ST8SIA4: variants seen among roughly 807,000 people sequenced by gnomAD.
ST8SIA4 encodes the protein ST8 alpha-N-acetyl-neuraminide alpha-2,8-sialyltransferase 4, also known as CMP-N-acetylneuraminate-poly-alpha-2,8-sialyltransferase.
ST8SIA4 carries 15 observed loss-of-function variants against 33.9 expected under a neutral mutation model. The observed-to-expected ratio is 0.44, with a 90% CI of 0.30 to 0.68. ST8SIA4 has a LOEUF of 0.68. Among genes scored for constraint, ST8SIA4 ranks in the 30% least tolerant of loss-of-function variants. The probability of loss-of-function intolerance (pLI) is 0.10; values close to 1 mark genes in which losing one functional copy is unlikely to be tolerated. For missense variants in ST8SIA4, 321 were observed against 428.0 expected (o/e 0.75, Z 2.21); for synonymous variants, 171 against 151.2 (o/e 1.13, Z -0.96).
At chr5:100,850,701 C>G (rs1225723249) in intron 4 of ST8SIA4, among the ~76,000 whole-genome samples, 1 of 151,714 alleles carries the variant, frequency 6.6e-6, no homozygotes, top group South Asian at 2.1e-4. Context: ...GGTTTAAACC[C>G]ATCCATACCT....
At chr5:100,832,733 C>T (rs535519534) in intron 4 of ST8SIA4, among the ~76,000 whole-genome samples, 4 of 152,084 alleles carry the variant, frequency 2.6e-5, no homozygotes, top group African/African-American at 4.8e-5. Context: ...TTACATCATT[C>T]GAGGCCATCT....
intron 3 of ST8SIA4, among the ~76,000 whole-genome samples, chr5:100,859,091 T>C (rs1751878241): frequency 6.6e-6 from 1 of 152,060 alleles, no homozygotes; most frequent in African/African-American, 2.4e-5. Context: ...AAAGAAAGCA[T>C]TAAAAAATCA....
intron 3 of ST8SIA4, among the ~76,000 whole-genome samples, chr5:100,870,591 G>T (rs1254993485): frequency 6.6e-6 from 1 of 151,882 alleles, no homozygotes; most frequent in Non-Finnish European, 1.5e-5. Flanking sequence ...TCAGAAAATG[G>T]GTGAAAACAT....
intron 4 of ST8SIA4, among the ~76,000 whole-genome samples, chr5:100,818,921 C>T (rs990886360): frequency 6.6e-6 from 1 of 152,142 alleles, no homozygotes; most frequent in African/African-American, 2.4e-5. Context: ...CACCCCTCTT[C>T]TTTTTATCTG....
chr5:100,895,107 T>A (rs1378320828), intron 2 of ST8SIA4, among the ~76,000 whole-genome samples: 1 of 152,046 alleles, frequency 6.6e-6, no homozygotes, highest in Non-Finnish European at 1.5e-5. Context: ...CAAGAGTGGG[T>A]TTCAGCTAAA....
intron 3 of ST8SIA4, among the ~76,000 whole-genome samples, chr5:100,862,853 A>T (rs1015751678): frequency 1.3e-5 from 2 of 152,248 alleles, no homozygotes; most frequent in Non-Finnish European, 2.9e-5. Flanking sequence ...TTTGTCCAAG[A>T]GTACATAGTT....
At chr5:100,849,875 A>G (rs916926358) in intron 4 of ST8SIA4, among the ~76,000 whole-genome samples, 2 of 152,178 alleles carry the variant, frequency 1.3e-5, no homozygotes, top group African/African-American at 4.8e-5. Flanking sequence ...TTTACCAAGT[A>G]TTTCTAATAA....
intron 4 of ST8SIA4, among the ~76,000 whole-genome samples, chr5:100,843,609 A>T (rs1225932627): frequency 2.0e-5 from 3 of 151,854 alleles, no homozygotes; most frequent in South Asian, 2.1e-4. Context: ...ATGTAAAAAT[A>T]AAAAAAGCAG....
At chr5:100,891,888 G>A (rs978289066) in intron 2 of ST8SIA4, among the ~76,000 whole-genome samples, 3 of 152,036 alleles carry the variant, frequency 2.0e-5, no homozygotes, top group Admixed American at 1.3e-4. Context: ...AAAGCAAGTA[G>A]AAGATAGTAT....
intron 1 of ST8SIA4, among the ~76,000 whole-genome samples, chr5:100,902,474 G>A (rs1752941891): frequency 6.6e-6 from 1 of 152,170 alleles, no homozygotes; most frequent in Non-Finnish European, 1.5e-5. Context: ...TTAGGTGATA[G>A]GACATTGAAA....
chr5:100,900,209 G>T (rs1167755283), intron 1 of ST8SIA4: 6 of 342,192 alleles, frequency 1.8e-5, no homozygotes, highest in Non-Finnish European at 3.5e-5. Context: ...TATGAATCTG[G>T]GGTAGTGATG....
At position 100,895,411 on chromosome 5, in the gene ST8SIA4, T is replaced by G. The variant is rs192003067; in HGVS notation, c.245+243A>C. On this transcript the variant is annotated intron_variant, in intron 2 of 4. Coordinates refer to ENST00000231461, the MANE Select transcript of ST8SIA4 (RefSeq NM_005668.6). ...ATCAGTACTCTGCTGAATATTTTAT[T>G]CCATTAGTATAAAGACAATATATTC... Among the ~76,000 whole-genome samples the G allele has an allele frequency of 1.6e-3, 241 of 152,194 alleles. 1 individual carries two copies. The highest frequency in any genetic ancestry group is 4.0e-3 in the Admixed American group (61 of 15,282).
At chr5:100,871,067 C>A (rs187827013) in intron 3 of ST8SIA4, among the ~76,000 whole-genome samples, 2 of 152,092 alleles carry the variant, frequency 1.3e-5, no homozygotes, top group Admixed American at 1.3e-4. Flanking sequence ...TAGCTGTTTG[C>A]TATTTGCTGT....
At chr5:100,822,736 C>A (rs555230471) in intron 4 of ST8SIA4, among the ~76,000 whole-genome samples, 97 of 152,196 alleles carry the variant, frequency 6.4e-4, no homozygotes, top group African/African-American at 2.3e-3. Flanking sequence ...AGACTGAGAC[C>A]TGCTGGGCTA....
At chr5:100,881,756 G>T (rs909142149) in intron 3 of ST8SIA4, among the ~76,000 whole-genome samples, 7 of 152,136 alleles carry the variant, frequency 4.6e-5, no homozygotes, top group Non-Finnish European at 7.4e-5. Context: ...CATGGGGGTG[G>T]TTTCACCCAT....
chr5:100,881,179 A>T (rs1285450102), intron 3 of ST8SIA4, among the ~76,000 whole-genome samples: 3 of 152,222 alleles, frequency 2.0e-5, no homozygotes, highest in African/African-American at 4.8e-5. Context: ...GATGTTCCAA[A>T]GTCAAAAATA....
At chr5:100,888,668 C>T (rs1406418243) in intron 2 of ST8SIA4, among the ~76,000 whole-genome samples, 1 of 151,846 alleles carries the variant, frequency 6.6e-6, no homozygotes, top group Non-Finnish European at 1.5e-5. Flanking sequence ...TAACCTCATC[C>T]CTTGACTCCA....
At chr5:100,865,220 G>A (rs1300562205) in intron 3 of ST8SIA4, among the ~76,000 whole-genome samples, 2 of 152,318 alleles carry the variant, frequency 1.3e-5, no homozygotes, top group East Asian at 3.9e-4. Context: ...CTGCTAGGCA[G>A]AGAGAAATGA....
At chr5:100,853,566 G>C (rs1199816168) in intron 4 of ST8SIA4, among the ~76,000 whole-genome samples, 3 of 152,184 alleles carry the variant, frequency 2.0e-5, no homozygotes, top group Non-Finnish European at 2.9e-5. Context: ...GTGGTCAGAA[G>C]TTTGGCCTTG....
Sources: allele counts gnomAD v4.1 joint callset (sites outside exome capture counted in the v4.1 genomes callset), GRCh38; gene constraint gnomAD v4.1.1; transcripts MANE v1.5; gene names NCBI Gene and HGNC (gene_info 2026-07-23, HGNC 2026-07-21).